Variants in CUX2 observed in about 807,000 individuals in gnomAD.
CUX2 encodes the protein homeobox protein cut-like 2.
CUX2 carries 40 observed loss-of-function variants against 144.8 expected under a neutral mutation model. The observed-to-expected ratio is 0.28, with a 90% CI of 0.21 to 0.36. CUX2 has a LOEUF of 0.36. Among genes scored for constraint, CUX2 ranks in the 10% least tolerant of loss-of-function variants. The pLI, the probability that CUX2 is intolerant of heterozygous loss-of-function variation, is 1.00. For missense variants in CUX2, 1,615 were observed against 1,994.0 expected (o/e 0.81, Z 3.62); for synonymous variants, 827 against 875.6 (o/e 0.94, Z 0.98).
intron 3 of CUX2, among the ~76,000 whole-genome samples, chr12:111,221,650 C>T (rs1166630657): frequency 6.6e-6 from 1 of 152,108 alleles, no homozygotes; most frequent in Non-Finnish European, 1.5e-5. Flanking sequence ...ATGGTAAGTA[C>T]CATGAAATAT....
At chr12:111,235,799 G>A (rs1882710122) in intron 3 of CUX2, among the ~76,000 whole-genome samples, 1 of 152,190 alleles carries the variant, frequency 6.6e-6, no homozygotes, top group Admixed American at 6.5e-5. Flanking sequence ...AGTGGAGACA[G>A]GTTTGAAAGA....
At chr12:111,155,330 C>T (rs374061540) in intron 1 of CUX2, among the ~76,000 whole-genome samples, 9 of 152,170 alleles carry the variant, frequency 5.9e-5, no homozygotes, top group African/African-American at 1.9e-4. Context: ...GAGTTTAAAA[C>T]AGTGCTTGTC....
At chr12:111,244,398 C>G (rs1453452766) in intron 3 of CUX2, among the ~76,000 whole-genome samples, 2 of 152,248 alleles carry the variant, frequency 1.3e-5, no homozygotes, top group Non-Finnish European at 1.5e-5. Flanking sequence ...GGAAGCCCAG[C>G]TGTGCTTTCT....
intron 4 of CUX2, among the ~76,000 whole-genome samples, chr12:111,272,790 G>A (rs768178802): frequency 2.9e-4 from 44 of 152,228 alleles, no homozygotes; most frequent in Non-Finnish European, 5.4e-4. Context: ...AGGCAGTGTC[G>A]CACCATTTCC....
rs915079144 is a variant in CUX2 at position 111,263,235 on chromosome 12, C to T, written c.223-526C>T. ...CTGTAATCCCGGCACTTTGGGAGGC[C>T]GAGGCAGGGGAATCGCAGGAGGTCG... On this transcript the variant is annotated intron_variant, in intron 3 of 21. Transcript: ENST00000261726. This position sits in a 1 kb window ranked among gnomAD's most constrained non-coding sequence, Gnocchi z 4.0. Among the ~76,000 whole-genome samples, 5 of 152,038 alleles carry T rather than the reference C, an allele frequency of 3.3e-5. No homozygotes were observed. The highest frequency in any genetic ancestry group is 4.8e-5 in the African/African-American group (2 of 41,404).
intron 1 of CUX2, among the ~76,000 whole-genome samples, chr12:111,090,017 G>T (rs1872466117): frequency 1.3e-5 from 2 of 152,208 alleles, no homozygotes; most frequent in African/African-American, 4.8e-5. Context: ...GCCATCATGT[G>T]CAGTGGAGGG....
At position 111,201,963 on chromosome 12, in the gene CUX2, G is replaced by C. The variant is rs545837251; in HGVS notation, c.64-12237G>C. Among the ~76,000 whole-genome samples the C allele has an allele frequency of 2.0e-5, 3 of 152,248 alleles. No individual in the cohort carries two copies. In the South Asian group the frequency reaches 6.2e-4, roughly 32 times the overall value. The stretch of plus-strand genomic sequence containing the variant: ...GGACTCGTTTTCCCAGCTGCAAAAG[G>C]AATTATTAGGAACACAGACCTCCCA... On this transcript the variant is annotated intron_variant, in intron 1 of 21. Coordinates refer to ENST00000261726, the MANE Select transcript of CUX2 (RefSeq NM_015267.4).
chr12:111,055,577 G>A (rs974550892), intron 1 of CUX2, among the ~76,000 whole-genome samples: 54 of 152,380 alleles, frequency 3.5e-4, no homozygotes, highest in African/African-American at 1.2e-3. Flanking sequence ...TGCTGAGGCC[G>A]TCTGCCTCCC....
Position 111,348,378 on chromosome 12 carries a change from A to C in CUX2, c.*53A>C. 1 of 1,505,126 alleles carries C rather than the reference A, an allele frequency of 6.6e-7. No homozygotes were observed. The highest frequency in any genetic ancestry group is 9.1e-7 in the Non-Finnish European group (1 of 1,101,830). 93.2% of individuals were successfully genotyped at this position (1,505,126 alleles called of 1,614,324 possible). On this transcript the variant is annotated 3_prime_UTR_variant, in exon 22 of 22. Transcript: ENST00000261726. Reference sequence around the variant, plus strand: ...CCCTGGTAACTACCTTCCTTCTCGCACTTACTCTCCTCAACAGGATGGGGT... The same window carrying C: ...CCCTGGTAACTACCTTCCTTCTCGCCCTTACTCTCCTCAACAGGATGGGGT...
At chr12:111,128,659 A>T (rs1439309622) in intron 1 of CUX2, among the ~76,000 whole-genome samples, 1 of 152,198 alleles carries the variant, frequency 6.6e-6, no homozygotes, top group Non-Finnish European at 1.5e-5. Context: ...ATGGTCAAGC[A>T]TTCAATCTCC....
At chr12:111,291,009 T>C (rs927338855) in intron 4 of CUX2, among the ~76,000 whole-genome samples, 2 of 151,888 alleles carry the variant, frequency 1.3e-5, no homozygotes, top group African/African-American at 4.8e-5. Context: ...ACTACAAGCA[T>C]GCACCACCAC....
chr12:111,228,527 G>T (rs777351818), intron 3 of CUX2, among the ~76,000 whole-genome samples: 1 of 152,016 alleles, frequency 6.6e-6, no homozygotes, highest in South Asian at 2.1e-4. Context: ...AGGTTAAAGC[G>T]ATTCTCCTGC....
intron 4 of CUX2, among the ~76,000 whole-genome samples, chr12:111,264,087 G>C (rs915626262): frequency 6.6e-6 from 1 of 152,142 alleles, no homozygotes; most frequent in Non-Finnish European, 1.5e-5. Context: ...CTCCTGATGA[G>C]ATATCCCACC....
chr12:111,189,833 A>G (rs1158771468), intron 1 of CUX2, among the ~76,000 whole-genome samples: 1 of 152,060 alleles, frequency 6.6e-6, no homozygotes, highest in Non-Finnish European at 1.5e-5. Context: ...TTTGGTGAAC[A>G]TATTTCTCTG....
At chr12:111,333,815 C>A (rs1888221100) in intron 18 of CUX2, among the ~76,000 whole-genome samples, 1 of 151,988 alleles carries the variant, frequency 6.6e-6, no homozygotes, top group Non-Finnish European at 1.5e-5. Flanking sequence ...CGAGATCGCA[C>A]CACTGCACTC....
chr12:111,336,390 A>G (rs1888349516), intron 19 of CUX2, among the ~76,000 whole-genome samples: 1 of 151,718 alleles, frequency 6.6e-6, no homozygotes. Context: ...AAGTAAATAA[A>G]TCCCTCCCCA....
At position 111,308,439 on chromosome 12, in the gene CUX2, C is replaced by A; in HGVS notation, c.1171C>A (p.Pro391Thr). ...TCSLPQGMAK[P>T]EDSLLIAKEA... ...TCTTGTCTCCTAGGGCATGGCCAAG[C>A]CTGAAGACTCACTGCTTATTGCAAA... The change falls in exon 14 of 22, where the codon CCT becomes ACT. Residue 391 changes from proline to threonine, a missense_variant. Transcript: ENST00000261726. The A allele has an allele frequency of 1.2e-6, 2 of 1,614,154 alleles. No homozygotes were observed. The highest frequency in any genetic ancestry group is 1.7e-6 in the Non-Finnish European group (2 of 1,180,010).
chr12:111,244,094 T>G (rs1199636736), intron 3 of CUX2, among the ~76,000 whole-genome samples: 6 of 146,188 alleles, frequency 4.1e-5, no homozygotes, highest in African/African-American at 2.8e-5. Context: ...CTTTTTGGGT[T>G]TTTTTTTGTT....
chr12:111,123,454 G>A (rs1033170581), intron 1 of CUX2, among the ~76,000 whole-genome samples: 7 of 152,160 alleles, frequency 4.6e-5, no homozygotes, highest in African/African-American at 1.7e-4. Context: ...AAAGTGCTGG[G>A]ATTAGAGGCA....
Sources: gnomAD v4.1 joint callset for allele counts (sites outside exome capture counted in the v4.1 genomes callset) on GRCh38, gnomAD v4.1.1 for gene constraint, Gnocchi (gnomAD v3.1) non-coding constraint, MANE v1.5 for transcripts, NCBI Gene and HGNC (gene_info 2026-07-23, HGNC 2026-07-21) for gene names.